NUP85: variants seen among roughly 807,000 people sequenced by gnomAD.
NUP85 encodes the protein nucleoporin 85, also known as nuclear pore complex protein Nup85.
A neutral mutation model predicts 92.8 loss-of-function variants in NUP85; 23 were observed. That is an observed-to-expected ratio of 0.25 (90% CI 0.18 to 0.35). The LOEUF is 0.35. Among genes scored for constraint, NUP85 ranks in the 10% least tolerant of loss-of-function variants. NUP85 has a pLI of 1.00. For synonymous variants in NUP85, 314 were observed against 306.9 expected (o/e 1.02, Z -0.24); for missense variants, 759 against 822.8 (o/e 0.92, Z 0.95).
rs988756824 is a variant in NUP85, at chr17:75,228,925, A to T, written c.1095-2415A>T. The stretch of plus-strand genomic sequence containing the variant: ...CTCAGTGCCTGGGTGGGCATGCTTG[A>T]CTGCTAACCCCTTAGCTGAAAGGAG... On this transcript the variant is annotated intron_variant, in intron 11 of 18. Transcript: ENST00000245544. 6.1e-6 allele frequency: 6 copies of T among 985,196 alleles called. No homozygotes were observed. In the African/African-American group the frequency reaches 1.0e-4, roughly 17 times the overall value. 61.0% of individuals were successfully genotyped at this position (985,196 alleles called of 1,614,324 possible).
intron 16 of NUP85, among the ~76,000 whole-genome samples, chr17:75,233,753 C>T (rs1364082243): frequency 2.0e-5 from 3 of 152,058 alleles, no homozygotes; most frequent in African/African-American, 4.8e-5. Context: ...CGCACGCCAC[C>T]ACACCCAGCT....
At chr17:75,225,856 T>C (rs776316973) in intron 10 of NUP85, 27 bp downstream of exon 10, 5 of 1,549,480 alleles carry the variant, frequency 3.2e-6, no homozygotes, top group Non-Finnish European at 4.4e-6. Flanking sequence ...TGGGCAAGGG[T>C]GGGGGTAGGA....
At chr17:75,226,527 GTGGCCTAATCACCTCC>G (rs1420808469) in intron 11 of NUP85, among the ~76,000 whole-genome samples, 3 of 152,180 alleles carry the variant, frequency 2.0e-5, no homozygotes, top group Admixed American at 6.5e-5. Context: ...GAGGGAGGAT[GTGGCCTAATCACCTCC>G]TGGCCTAATC....
intron 5 of NUP85, among the ~76,000 whole-genome samples, chr17:75,214,717 C>T (rs1373715248): frequency 2.0e-5 from 3 of 151,924 alleles, no homozygotes; most frequent in Admixed American, 6.6e-5. Context: ...TTTAGCTAGG[C>T]GTGGTGGTGT....
chr17:75,233,349 G>A (rs1176720827), intron 16 of NUP85, among the ~76,000 whole-genome samples, 191 bp downstream of exon 16: 2 of 146,594 alleles, frequency 1.4e-5, no homozygotes, highest in Non-Finnish European at 3.0e-5. Flanking sequence ...CTCCATGTTT[G>A]TTTGTTTGTT....
At chr17:75,205,842 G>A (rs1349866484) in intron 1 of NUP85, 48 bp downstream of exon 1, 3 of 1,605,988 alleles carry the variant, frequency 1.9e-6, no homozygotes, top group Middle Eastern at 1.7e-4. Context: ...GTTGAGAACT[G>A]CGTCTGCTTA....
rs371512162 is a variant in NUP85, at chr17:75,235,190, G to A, written c.1858G>A (p.Glu620Lys). ...RRPVHGESDT[E>K]QLQDDDIETT... is the part of the protein sequence containing the mutation. ...ACCTGTGCATGGAGAATCTGATACC[G>A]AGCAGCTCCAGGTCATTTTCACTTT... Residue 620 changes from glutamate (E) to lysine (K), a missense_variant, in exon 18 of 19, where the codon GAG becomes AAG. Coordinates refer to ENST00000245544, the MANE Select transcript of NUP85 (RefSeq NM_024844.5). 9.9e-6 allele frequency: 16 copies of A among 1,612,718 alleles called. No homozygotes were observed. The highest frequency in any genetic ancestry group is 2.7e-5 in the African/African-American group (2 of 74,960).
rs377599394 is a variant in NUP85, at chr17:75,213,024, C to A, written c.362-52C>A. On this transcript the variant is annotated intron_variant, in intron 4 of 18. Coordinates refer to ENST00000245544, the MANE Select transcript of NUP85 (RefSeq NM_024844.5). ...TAGACCCTGGAATATTCAGCTATGACAATAAGCCTAAGAGTTCCATTGCTC... is the reference window on the plus strand; with the variant it reads ...TAGACCCTGGAATATTCAGCTATGAAAATAAGCCTAAGAGTTCCATTGCTC... The A allele has an allele frequency of 4.6e-4, 714 of 1,549,704 alleles. 1 individual carries two copies. Among genetic ancestry groups the A allele is most frequent in the Non-Finnish European group, 5.5e-4 (623 of 1,130,682 alleles).
At chr17:75,211,461 C>T (rs1397137408) in intron 3 of NUP85, among the ~76,000 whole-genome samples, 1 of 146,602 alleles carries the variant, frequency 6.8e-6, no homozygotes, top group Non-Finnish European at 1.5e-5. Context: ...GAGTCTCACT[C>T]TGTCGCCCAG....
At chr17:75,209,469 C>T (rs1012893288) in intron 2 of NUP85, among the ~76,000 whole-genome samples, 27 of 129,218 alleles carry the variant, frequency 2.1e-4, no homozygotes, top group African/African-American at 7.4e-4. Context: ...TTTTTTGAGA[C>T]GGAGTCTCGC....
intron 7 of NUP85, among the ~76,000 whole-genome samples, chr17:75,223,394 T>C (rs2075654544): frequency 6.6e-6 from 1 of 152,122 alleles, no homozygotes; most frequent in Non-Finnish European, 1.5e-5. Flanking sequence ...TATGTTATGT[T>C]ATGTTATTTT....
intron 6 of NUP85, among the ~76,000 whole-genome samples, chr17:75,216,062 T>C (rs2075422305): frequency 1.3e-5 from 2 of 152,116 alleles, no homozygotes; most frequent in African/African-American, 4.8e-5. Flanking sequence ...TACTGAGAAA[T>C]ATTAAACTAG....
At position 75,232,904 on chromosome 17, in the gene NUP85, G is replaced by A. The variant is rs541230324; in HGVS notation, c.1450G>A (p.Gly484Ser). The change falls in exon 15 of 19, where the codon GGT becomes AGT. Residue 484 changes from glycine (G) to serine (S), a missense_variant. By Grantham distance (56) the Gly-to-Ser change is moderately conservative. Transcript: ENST00000245544. ...AMKAVRNNRL[G>S]SALSWSIRAK... The stretch of plus-strand genomic sequence containing the variant: ...GAAAGCCGTCCGCAACAATCGCCTG[G>A]GTTCTGCCCTCTCTTGGAGCATCCG... The A allele has an allele frequency of 1.9e-6, 3 of 1,614,198 alleles. No homozygotes were observed. The South Asian group carries it at 3.3e-5, about 18-fold the overall frequency.
chr17:75,225,017 A>G, intron 7 of NUP85, 86 bp from the exon 8 acceptor site: 2 of 1,417,614 alleles, frequency 1.4e-6, no homozygotes, highest in African/African-American at 1.4e-5. Context: ...TAAAAAGCCA[A>G]AGTGTGGGGT....
In NUP85 at chr17:75,235,095, C is replaced by A; in HGVS notation, c.1768-5C>A. On this transcript the variant is annotated splice_region_variant and splice_polypyrimidine_tract_variant and intron_variant, in intron 17 of 18. Coordinates refer to ENST00000245544, the MANE Select transcript of NUP85 (RefSeq NM_024844.5). ...CAGCCAAGCAAGGCAGGCTCTCTTC[C>A]CTAGGTGATTTTCTCAGCAGAACAG... The A allele has an allele frequency of 6.2e-7, 1 of 1,612,422 alleles. No homozygotes were observed. The highest frequency in any genetic ancestry group is 8.5e-7 in the Non-Finnish European group (1 of 1,178,694).
Position 75,218,318 on chromosome 17 carries a change from C to G in NUP85, c.597+12C>G. 6.2e-7 allele frequency: 1 copy of G among 1,612,154 alleles called. No homozygotes were observed. Among genetic ancestry groups the G allele is most frequent in the Non-Finnish European group, 8.5e-7 (1 of 1,178,880 alleles). Reference sequence around the variant, plus strand: ...GCTTCTGGAACTTGGTAAGACAGGCCGGGCCCCCACCTCCCACCATGTGTC... The same window carrying G: ...GCTTCTGGAACTTGGTAAGACAGGCGGGGCCCCCACCTCCCACCATGTGTC... On this transcript the variant is annotated intron_variant, in intron 7 of 18. Transcript: ENST00000245544.
At chr17:75,215,615 G>A (rs1483881714) in intron 5 of NUP85, 139 bp from the exon 6 acceptor site, 2 of 713,168 alleles carry the variant, frequency 2.8e-6, no homozygotes, top group African/African-American at 3.6e-5. Context: ...TCCCCTGTGG[G>A]AAATCCTCCA....
intron 11 of NUP85, chr17:75,228,695 T>C: frequency 2.0e-6 from 2 of 985,392 alleles, no homozygotes; most frequent in Non-Finnish European, 2.4e-6. Context: ...TTAAAGGCAT[T>C]AGAAAAAAGG....
At chr17:75,226,651 C>A in intron 11 of NUP85, 1 of 375,928 alleles carries the variant, frequency 2.7e-6, no homozygotes, top group South Asian at 2.0e-5. Flanking sequence ...CCCTGCTTGA[C>A]TTGCCACAGG....
Sources: gnomAD v4.1 joint callset for allele counts (sites outside exome capture counted in the v4.1 genomes callset) on GRCh38, gnomAD v4.1.1 for gene constraint, MANE v1.5 for transcripts, NCBI Gene and HGNC (gene_info 2026-07-23, HGNC 2026-07-21) for gene names.